The following NEGR1 variants were observed in gnomAD, a reference collection of about 807,000 sequenced individuals.
The protein encoded by NEGR1 is neuronal growth regulator 1.
In NEGR1, 10 loss-of-function variants were observed where a neutral mutation model predicts 40.9. That is an observed-to-expected ratio of 0.24 (90% confidence interval 0.15 to 0.42). NEGR1 has a LOEUF of 0.42. Among genes scored for constraint, NEGR1 ranks in the 10% least tolerant of loss-of-function variants. The pLI is 1.00. For synonymous variants in NEGR1, 185 were observed against 166.8 expected (o/e 1.11, Z -0.84); for missense variants, 352 against 438.9 (o/e 0.80, Z 1.77).
At chr1:71,619,277 A>T (rs1180196217) in intron 4 of NEGR1, among the ~76,000 whole-genome samples, 1 of 152,060 alleles carries the variant, frequency 6.6e-6, no homozygotes, top group South Asian at 2.1e-4. Context: ...TCAAATGAAA[A>T]AATCTGAGTG....
intron 1 of NEGR1, among the ~76,000 whole-genome samples, chr1:72,044,185 A>C (rs1646980762): frequency 6.6e-6 from 1 of 151,700 alleles, no homozygotes; most frequent in African/African-American, 2.4e-5. Flanking sequence ...ATAACTACTC[A>C]AAATATAATG....
At chr1:71,622,214 C>T (rs947786074) in intron 4 of NEGR1, among the ~76,000 whole-genome samples, 2 of 151,816 alleles carry the variant, frequency 1.3e-5, no homozygotes, top group African/African-American at 4.8e-5. Context: ...TCAACTTGTT[C>T]ATGATCTGAT....
At chr1:71,529,250 T>C (rs890851348) in intron 6 of NEGR1, among the ~76,000 whole-genome samples, 1 of 151,254 alleles carries the variant, frequency 6.6e-6, no homozygotes, top group East Asian at 1.9e-4. Context: ...TTATTAAATG[T>C]TTTGAATCTA....
intron 3 of NEGR1, among the ~76,000 whole-genome samples, chr1:71,747,175 G>A (rs186412301): frequency 4.2e-4 from 64 of 151,856 alleles, no homozygotes; most frequent in African/African-American, 1.4e-3. Context: ...TAGACACACT[G>A]GAAAAGAGCT....
chr1:72,089,199 CTTG>C (rs1274532933), intron 1 of NEGR1, among the ~76,000 whole-genome samples: 1 of 152,040 alleles, frequency 6.6e-6, no homozygotes, highest in Admixed American at 6.6e-5. Flanking sequence ...GTATAAAAAG[CTTG>C]AGATGGCCAC....
intron 6 of NEGR1, among the ~76,000 whole-genome samples, chr1:71,438,941 G>A (rs1476504842): frequency 6.6e-6 from 1 of 152,134 alleles, no homozygotes; most frequent in Admixed American, 6.5e-5. Context: ...ATGTGGACAG[G>A]TGCTTACTTA....
At chr1:72,031,624 G>A (rs924139317) in intron 1 of NEGR1, among the ~76,000 whole-genome samples, 1 of 152,108 alleles carries the variant, frequency 6.6e-6, no homozygotes. Flanking sequence ...TTTTATAGAT[G>A]GGAAGAGGTT....
At chr1:71,585,051 G>C (rs1166585836) in intron 6 of NEGR1, among the ~76,000 whole-genome samples, 1 of 151,918 alleles carries the variant, frequency 6.6e-6, no homozygotes, top group Non-Finnish European at 1.5e-5. Flanking sequence ...AAATGATTAG[G>C]CCAGCAGTGC....
At chr1:72,142,525 TGATAGATAGATAGATA>T (rs57515875) in intron 1 of NEGR1, among the ~76,000 whole-genome samples, 6 of 146,490 alleles carry the variant, frequency 4.1e-5, no homozygotes, top group African/African-American at 1.5e-4. Flanking sequence ...CCTAGATAGA[TGATAGATAGATAGATA>T]GATAGATAGA....
At chr1:72,171,218 G>T (rs1651951935) in intron 1 of NEGR1, among the ~76,000 whole-genome samples, 2 of 152,108 alleles carry the variant, frequency 1.3e-5, no homozygotes, top group South Asian at 2.1e-4. Context: ...AGAACAAACA[G>T]CCATCCAATA....
At chr1:72,055,633 C>T (rs1647103183) in intron 1 of NEGR1, among the ~76,000 whole-genome samples, 1 of 150,574 alleles carries the variant, frequency 6.6e-6, no homozygotes, top group Non-Finnish European at 1.5e-5. Context: ...GAGTGCTATC[C>T]TATTCACAAA....
intron 2 of NEGR1, among the ~76,000 whole-genome samples, chr1:71,806,645 T>C (rs1411221453): frequency 6.6e-6 from 1 of 152,142 alleles, no homozygotes; most frequent in Non-Finnish European, 1.5e-5. Flanking sequence ...AAAACTGTGG[T>C]AAGCTATTTG....
intron 6 of NEGR1, among the ~76,000 whole-genome samples, chr1:71,437,090 A>G (rs1018173355): frequency 6.6e-6 from 1 of 151,086 alleles, no homozygotes; most frequent in Non-Finnish European, 1.5e-5. Flanking sequence ...ACATAACACT[A>G]TAGGTACCTG....
intron 6 of NEGR1, among the ~76,000 whole-genome samples, chr1:71,569,878 A>G (rs1648753697): frequency 6.6e-6 from 1 of 152,180 alleles, no homozygotes; most frequent in Non-Finnish European, 1.5e-5. Flanking sequence ...TGGCTCACCA[A>G]CGGGGTCACT....
At chr1:71,933,486 T>C (rs1645874413) in intron 2 of NEGR1, among the ~76,000 whole-genome samples, 2 of 152,090 alleles carry the variant, frequency 1.3e-5, no homozygotes, top group Admixed American at 6.6e-5. Flanking sequence ...ATACTTTCTT[T>C]TTTCACATAA....
At chr1:71,775,346 CTTTTTTT>C (rs11290277) in intron 3 of NEGR1, among the ~76,000 whole-genome samples, 2 of 131,534 alleles carry the variant, frequency 1.5e-5, no homozygotes, top group African/African-American at 5.4e-5. Flanking sequence ...TATTCTTTAA[CTTTTTTT>C]TTTTTTTTTT....
intron 1 of NEGR1, among the ~76,000 whole-genome samples, chr1:72,090,782 G>T (rs1027478633): frequency 3.9e-5 from 6 of 151,990 alleles, no homozygotes; most frequent in Admixed American, 2.6e-4. Flanking sequence ...TTTCTCCCTG[G>T]GTAAACTAGA....
At chr1:71,662,831 A>G (rs1652111288) in intron 4 of NEGR1, among the ~76,000 whole-genome samples, 1 of 152,146 alleles carries the variant, frequency 6.6e-6, no homozygotes, top group African/African-American at 2.4e-5. Context: ...ATTAAAATTT[A>G]TATGTACACA....
At chr1:72,185,897 C>T (rs1211920777) in intron 1 of NEGR1, among the ~76,000 whole-genome samples, 1 of 151,776 alleles carries the variant, frequency 6.6e-6, no homozygotes, top group East Asian at 1.9e-4. Context: ...TACACAAATA[C>T]TATATTCACC....
Sources: allele counts gnomAD v4.1 joint callset (sites outside exome capture counted in the v4.1 genomes callset), GRCh38; gene constraint gnomAD v4.1.1; transcripts MANE v1.5; gene names NCBI Gene and HGNC (gene_info 2026-07-23, HGNC 2026-07-21).